PDIA3: variants seen among roughly 807,000 people sequenced by gnomAD.
The protein encoded by PDIA3 is protein disulfide isomerase family A member 3, also known as protein disulfide-isomerase A3.
A neutral mutation model predicts 56.9 loss-of-function variants in PDIA3; 16 were observed. The observed-to-expected ratio is 0.28, with a 90% CI of 0.19 to 0.43. The LOEUF (loss-of-function observed/expected upper bound fraction) is 0.43. PDIA3 is among the 20% of genes least tolerant of loss of function. The pLI, the probability that PDIA3 is intolerant of heterozygous loss-of-function variation, is 1.00. For synonymous variants in PDIA3, 192 were observed against 216.5 expected (o/e 0.89, Z 0.99); for missense variants, 485 against 621.3 (o/e 0.78, Z 2.33).
chr15:43,766,925 G>T lies in PDIA3; in HGVS notation c.1028+15G>T, dbSNP rs529949996. ...GAGGAGTTCTCGTGAGTTGCTAGTT[G>T]GGCTTTGATTCTCCAAGGCAATTAT... On this transcript the variant is annotated intron_variant, in intron 8 of 12. Coordinates refer to ENST00000300289, the MANE Select transcript of PDIA3 (RefSeq NM_005313.5). 6.3e-5 allele frequency: 102 copies of T among 1,612,116 alleles called. No individual in the cohort carries two copies. The highest frequency in any genetic ancestry group is 8.5e-5 in the Non-Finnish European group (100 of 1,178,392).
chr15:43,761,399 C>T (rs1567157730), intron 3 of PDIA3, 25 bp from the exon 4 acceptor site: 2 of 1,265,092 alleles, frequency 1.6e-6, no homozygotes, highest in Non-Finnish European at 2.3e-6. Context: ...GTTGTGTTGT[C>T]ATAACTTTTA....
Position 43,768,486 on chromosome 15 carries a change from T to C in PDIA3, c.1029-3T>C. 1 of 1,604,528 alleles carries C rather than the reference T, an allele frequency of 6.2e-7. No individual in the cohort carries two copies. The highest frequency in any genetic ancestry group is 8.5e-7 in the Non-Finnish European group (1 of 1,171,386). ...AAGCCTTACCCTTGTTTTCCAATTG[T>C]AGGCGTGATGGGAAGGCTCTGGAGA... On this transcript the variant is annotated splice_region_variant and splice_polypyrimidine_tract_variant and intron_variant, in intron 8 of 12. Coordinates refer to ENST00000300289, the MANE Select transcript of PDIA3 (RefSeq NM_005313.5).
intron 3 of PDIA3, among the ~76,000 whole-genome samples, chr15:43,759,868 G>A (rs1298453280): frequency 1.3e-5 from 2 of 151,616 alleles, no homozygotes; most frequent in Non-Finnish European, 2.9e-5. Context: ...GGCAGATCAC[G>A]AGGTCAGGAG....
At chr15:43,770,703 T>G in intron 12 of PDIA3, 123 bp downstream of exon 12, 1 of 720,568 alleles carries the variant, frequency 1.4e-6, no homozygotes. Flanking sequence ...AGTTTCGCTC[T>G]TGTTGCCTGG....
chr15:43,766,232 A>G (rs1404782988), intron 7 of PDIA3, among the ~76,000 whole-genome samples: 5 of 152,182 alleles, frequency 3.3e-5, no homozygotes, highest in South Asian at 2.1e-4. Flanking sequence ...ATTGTCTACA[A>G]TTGACTTCAA....
At position 43,746,686 on chromosome 15, in the gene PDIA3, C is replaced by A. The variant is rs541287116; in HGVS notation, c.147C>A (p.Leu49=). 1 of 1,612,944 alleles carries A rather than the reference C, an allele frequency of 6.2e-7. No individual in the cohort carries two copies. Among genetic ancestry groups the A allele is most frequent in the Non-Finnish European group, 8.5e-7 (1 of 1,179,896 alleles). ...ACACGGGCTCTGCGGGCCTCATGCTCGTCGAGTTCTTCGCCCCCTGGTGAG... is the reference window on the plus strand; with the variant it reads ...ACACGGGCTCTGCGGGCCTCATGCTAGTCGAGTTCTTCGCCCCCTGGTGAG... ...ISDTGSAGLM[L]VEFFAPWCGH... The change falls in exon 1 of 13, where the codon CTC becomes CTA. Residue 49 remains leucine, a synonymous_variant. Transcript: ENST00000300289.
At chr15:43,749,526 G>T (rs1464147881) in intron 1 of PDIA3, among the ~76,000 whole-genome samples, 2 of 152,184 alleles carry the variant, frequency 1.3e-5, no homozygotes, top group Non-Finnish European at 2.9e-5. Flanking sequence ...TGGCCCTGTT[G>T]TGCATTCCTG....
chr15:43,769,000 G>A (rs2086865463), intron 9 of PDIA3, among the ~76,000 whole-genome samples: 1 of 151,764 alleles, frequency 6.6e-6, no homozygotes, highest in Non-Finnish European at 1.5e-5. Flanking sequence ...CTCCAGCCTG[G>A]GCGACAAGAG....
intron 1 of PDIA3, among the ~76,000 whole-genome samples, chr15:43,751,391 A>G (rs1041378876): frequency 6.6e-6 from 1 of 152,178 alleles, no homozygotes; most frequent in African/African-American, 2.4e-5. Context: ...TACTTGACGC[A>G]TGGCACACAT....
chr15:43,763,080 T>G lies in PDIA3; in HGVS notation c.476T>G (p.Phe159Cys), dbSNP rs762199151. The change falls in exon 5 of 13, where the codon TTT becomes TGT. Residue 159 changes from phenylalanine to cysteine, a missense_variant. By Grantham distance (205) the Phe-to-Cys change is radical (BLOSUM62 -2). Transcript: ENST00000300289. The stretch of plus-strand genomic sequence containing the variant: ...GTGTTTAATATTTTCTGTATAGGTT[T>G]TTTCGATGATTCATTCAGTGAGGCT... ...ISDKDASIVGFFDDSFSEAHS... is the reference protein window; with the variant it reads ...ISDKDASIVGCFDDSFSEAHS... 10 of 1,613,824 alleles carry G rather than the reference T, an allele frequency of 6.2e-6. No individual in the cohort carries two copies. The highest frequency in any genetic ancestry group is 7.6e-6 in the Non-Finnish European group (9 of 1,179,886).
chr15:43,746,898 A>G (rs1252518385), intron 1 of PDIA3, 192 bp downstream of exon 1: 4 of 617,864 alleles, frequency 6.5e-6, no homozygotes, highest in African/African-American at 3.8e-5. Context: ...TGATCGGCCC[A>G]AGGAAAACCC....
chr15:43,755,267 G>T (rs1054369536), intron 2 of PDIA3, among the ~76,000 whole-genome samples: 1 of 152,180 alleles, frequency 6.6e-6, no homozygotes. Context: ...GGCGGAGGTT[G>T]CAGTGAGCTG....
In PDIA3 at chr15:43,771,252, C is replaced by G. The variant is rs371646516; in HGVS notation, c.*34C>G. 150 of 1,374,390 alleles carry G rather than the reference C, an allele frequency of 1.1e-4. 1 individual carries two copies. The Middle Eastern group carries it at 1.3e-3, about 12-fold the overall frequency. The allele number at this position is 1,374,390 out of a possible 1,614,324, so 85.1% of individuals were successfully genotyped here. A position where few individuals can be genotyped will look rare whatever the true frequency, so the allele number is the denominator to read the frequency against. On this transcript the variant is annotated 3_prime_UTR_variant, in exon 13 of 13. Transcript: ENST00000300289. ...CCAAACACCACTTTGTAAAAGGACTCTTCCATCAGAGATGGGAAAACCATT... is the reference window on the plus strand; with the variant it reads ...CCAAACACCACTTTGTAAAAGGACTGTTCCATCAGAGATGGGAAAACCATT...
Position 43,771,514 on chromosome 15 carries a change from A to G in PDIA3, c.*296A>G. ...CTAATTTTTTTTGTACATTTGGAAC[A>G]GTGACAATAAATGAGACCCCTTTAA... On this transcript the variant is annotated 3_prime_UTR_variant, in exon 13 of 13. Transcript: ENST00000300289. 2.0e-6 allele frequency: 1 copy of G among 496,828 alleles called. No individual in the cohort carries two copies. The allele number at this position is 496,828 out of a possible 1,614,324, so 30.8% of individuals were successfully genotyped here.
intron 3 of PDIA3, among the ~76,000 whole-genome samples, chr15:43,760,410 GA>G (rs1477835349): frequency 1.4e-5 from 2 of 141,804 alleles, no homozygotes; most frequent in African/African-American, 5.0e-5. Flanking sequence ...ATAAAGAAAA[GA>G]AAAAAAAGAT....
intron 5 of PDIA3, 55 bp from the exon 6 acceptor site, chr15:43,765,395 G>C (rs2086841456): frequency 1.0e-6 from 1 of 967,548 alleles, no homozygotes; most frequent in East Asian, 2.4e-5. Context: ...AAAAAAAGAT[G>C]GGAGACAGTT....
intron 7 of PDIA3, among the ~76,000 whole-genome samples, chr15:43,766,355 A>G (rs1387419021): frequency 6.6e-6 from 1 of 152,278 alleles, no homozygotes; most frequent in Admixed American, 6.5e-5. Context: ...TAGAAGGTGG[A>G]AATTTGATAT....
rs1245027939 is a variant in PDIA3 at position 43,751,765 on chromosome 15, C to G, written c.168-2059C>G. On this transcript the variant is annotated intron_variant, in intron 1 of 12. Transcript: ENST00000300289. The stretch of plus-strand genomic sequence containing the variant: ...TTCTGGAGATTCTCATTCAGTAAGC[C>G]ATGCATACTTTTGTTGTTTTAATGC... The G allele has an allele frequency of 3.9e-6, 5 of 1,293,724 alleles. No homozygotes were observed. The South Asian group carries it at 6.2e-5, about 16-fold the overall frequency. The allele number at this position is 1,293,724 out of a possible 1,614,324, so 80.1% of individuals were successfully genotyped here.
chr15:43,766,559 GTA>G (rs2086848605), intron 7 of PDIA3, among the ~76,000 whole-genome samples, 167 bp from the exon 8 acceptor site: 1 of 152,360 alleles, frequency 6.6e-6, no homozygotes, highest in African/African-American at 2.4e-5. Flanking sequence ...AGGCATTGAA[GTA>G]TATCATAACC....
Sources: gnomAD v4.1 joint callset for allele counts (sites outside exome capture counted in the v4.1 genomes callset) on GRCh38, gnomAD v4.1.1 for gene constraint, MANE v1.5 for transcripts, NCBI Gene and HGNC (gene_info 2026-07-23, HGNC 2026-07-21) for gene names.